The following CCDC17 variants were observed in gnomAD, a reference collection of about 807,000 sequenced individuals.
CCDC17 encodes the protein coiled-coil domain-containing protein 17.
In CCDC17, 79 loss-of-function variants were observed where a neutral mutation model predicts 68.0. That is an observed-to-expected ratio of 1.16 (90% CI 0.97 to 1.40). The LOEUF (loss-of-function observed/expected upper bound fraction) is 1.40. CCDC17 is among the 40% of genes most tolerant of loss of function. The probability of loss-of-function intolerance (pLI) is 0.00; values close to 1 mark genes in which losing one functional copy is unlikely to be tolerated. For synonymous variants in CCDC17, 376 were observed against 337.5 expected, an observed-to-expected ratio of 1.11 and a Z score of -1.25; for missense variants, 846 against 811.5, an observed-to-expected ratio of 1.04 and a Z score of -0.52.
intron 3 of CCDC17, 42 bp downstream of exon 3, chr1:45,623,175 G>A: frequency 6.5e-7 from 1 of 1,540,480 alleles, no homozygotes; most frequent in Non-Finnish European, 8.8e-7. Flanking sequence ...CAAACGGCGA[G>A]GGCAGAGGAG....
In CCDC17 at chr1:45,621,970, C is replaced by T; in HGVS notation, c.993G>A (p.Gly331=). 1.9e-6 allele frequency: 3 copies of T among 1,609,444 alleles called. No homozygotes were observed. Among genetic ancestry groups the T allele is most frequent in the Non-Finnish European group, 2.5e-6 (3 of 1,178,404 alleles). ...PLGPQDLRLL[G]DASLQPKGRR... is the part of the protein sequence containing the mutation. ...TCCCCTTCGGTTGTAGGCTGGCATC[C>T]CCCAGGAGTCGCAGATCCTGGGGCC... Residue 331 remains glycine, a synonymous_variant, in exon 8 of 13, where the codon GGG becomes GGA. Transcript: ENST00000528266.
rs1644349281 is a variant in CCDC17 at position 45,623,425 on chromosome 1, C to G, written c.285G>C (p.Arg95=). 6.4e-7 allele frequency: 1 copy of G among 1,550,548 alleles called. No individual in the cohort carries two copies. The highest frequency in any genetic ancestry group is 1.2e-5 in the South Asian group (1 of 84,066). ...KRLTEEVQWL[R]LSLQEMRPWI... ...AGGGCCGCATTTCCTGTAGGGATAGCCGCAGCCACTGCACCTGGAGGTAAC... is the reference window on the plus strand; with the variant it reads ...AGGGCCGCATTTCCTGTAGGGATAGGCGCAGCCACTGCACCTGGAGGTAAC... The change falls in exon 3 of 13, where the codon CGG becomes CGC. Residue 95 remains arginine, a synonymous_variant. Transcript: ENST00000528266.
intron 10 of CCDC17, 74 bp downstream of exon 10, chr1:45,621,207 G>A (rs1644242177): frequency 1.9e-6 from 3 of 1,546,794 alleles, no homozygotes; most frequent in Middle Eastern, 2.0e-4. Context: ...GTATACAGAT[G>A]AGAAAACTTA....
In CCDC17 at chr1:45,623,002, A is replaced by C; in HGVS notation, c.609T>G (p.Ala203=). 6.2e-7 allele frequency: 1 copy of C among 1,611,862 alleles called. No homozygotes were observed. The highest frequency in any genetic ancestry group is 1.7e-5 in the Admixed American group (1 of 59,814). The change falls in exon 4 of 13, where the codon GCT becomes GCG. Residue 203 remains alanine, a synonymous_variant. Transcript: ENST00000528266. ...GAATGCGGGCCCCCAACACCTCTAG[A>C]GCTCCCCGCGTCCTCCCGGCCTCAG... ...LQAEAGRTRG[A]LEVLGARIQE...
chr1:45,623,652 C>T lies in CCDC17; in HGVS notation c.175G>A (p.Val59Ile). ...SVATEPQRAA[V>I]VPQEHQGVPQ... The stretch of plus-strand genomic sequence containing the variant: ...ACGCCCTGGTGTTCTTGTGGCACAA[C>T]CTGGGGATAGGGTGTAGTAGGATGA... Residue 59 changes from valine (V) to isoleucine (I), a missense_variant and splice_region_variant, in exon 2 of 13, where the codon GTT (valine) becomes ATT (isoleucine). Coordinates refer to ENST00000528266, the MANE Select transcript of CCDC17 (RefSeq NM_001114938.3). The T allele has an allele frequency of 6.4e-7, 1 of 1,551,628 alleles. No individual in the cohort carries two copies. The highest frequency in any genetic ancestry group is 8.7e-7 in the Non-Finnish European group (1 of 1,146,988).
chr1:45,621,947 C>A lies in CCDC17; in HGVS notation c.1016G>T (p.Gly339Val), dbSNP rs775076309. 1.2e-5 allele frequency: 19 copies of A among 1,611,016 alleles called. No homozygotes were observed. The highest frequency in any genetic ancestry group is 1.6e-5 in the Non-Finnish European group (19 of 1,179,018). The change falls in exon 8 of 13, where the codon GGG (glycine) becomes GTG (valine). Residue 339 changes from glycine (G) to valine (V), a missense_variant. Physicochemically the swap from Gly to Val is moderately radical, Grantham distance 109. Coordinates refer to ENST00000528266, the MANE Select transcript of CCDC17 (RefSeq NM_001114938.3). ...LLGDASLQPKGRRDPPLLPPP... is the reference protein window; with the variant it reads ...LLGDASLQPKVRRDPPLLPPP... Reference sequence around the variant, plus strand: ...CGGGAGGAGTGGGGGATCTCTCCTCCCCTTCGGTTGTAGGCTGGCATCCCC... The same window carrying A: ...CGGGAGGAGTGGGGGATCTCTCCTCACCTTCGGTTGTAGGCTGGCATCCCC...
rs1399558607 is a variant in CCDC17 at position 45,622,296 on chromosome 1, C to A, written c.912G>T (p.Arg304=). The change falls in exon 7 of 13, where the codon CGG becomes CGT. Residue 304 remains arginine (R), a synonymous_variant. Transcript: ENST00000528266. ...AGGCCAAGATTTCTGCCTCCAAGCG[C>A]CGGTTTTCAGCCTCCACTACTGGAA... ...GELPVVEAEN[R]RLEAEILALQ... 1 of 1,612,420 alleles carries A rather than the reference C, an allele frequency of 6.2e-7. No individual in the cohort carries two copies. Among genetic ancestry groups the A allele is most frequent in the Non-Finnish European group, 8.5e-7 (1 of 1,179,372 alleles).
Position 45,620,199 on chromosome 1 carries a change from G to A in CCDC17, c.*76C>T. Reference sequence around the variant, plus strand: ...TCTAGACCCAATGTCAGAACATGGAGTAGTAAACCTGTAGGTCTGGAAATA... The same window carrying A: ...TCTAGACCCAATGTCAGAACATGGAATAGTAAACCTGTAGGTCTGGAAATA... On this transcript the variant is annotated 3_prime_UTR_variant, in exon 13 of 13. Transcript: ENST00000528266. 6.8e-7 allele frequency: 1 copy of A among 1,473,812 alleles called. No individual in the cohort carries two copies. The highest frequency in any genetic ancestry group is 9.1e-7 in the Non-Finnish European group (1 of 1,101,224). 91.3% of individuals were successfully genotyped at this position (1,473,812 alleles called of 1,614,324 possible). A position where few individuals can be genotyped will look rare whatever the true frequency, so the allele number is the denominator to read the frequency against.
rs1393778758 is a variant in CCDC17 at position 45,622,837 on chromosome 1, G to A, written c.657-3C>T. On this transcript the variant is annotated splice_region_variant and splice_polypyrimidine_tract_variant and intron_variant, in intron 4 of 12. Coordinates refer to ENST00000528266, the MANE Select transcript of CCDC17 (RefSeq NM_001114938.3). ...CTCGCCGGGAGCTCAGCGGGTTCCTGGGGTGGCAGGCGACGCGCAGGGAGA... is the reference window on the plus strand; with the variant it reads ...CTCGCCGGGAGCTCAGCGGGTTCCTAGGGTGGCAGGCGACGCGCAGGGAGA... 4 of 1,595,260 alleles carry A rather than the reference G, an allele frequency of 2.5e-6. No individual in the cohort carries two copies. The South Asian group carries it at 3.4e-5, about 14-fold the overall frequency.
In CCDC17 at chr1:45,621,104, G is replaced by A. The variant is rs772889129; in HGVS notation, c.1398C>T (p.Pro466=). The change falls in exon 11 of 13, where the codon CCC becomes CCT. Residue 466 remains proline, a synonymous_variant. Transcript: ENST00000528266. ...CACAGACCAAAGATACTGATGATGA[G>A]GGTGGTAGTCTGTAGAATAACCAAA... The part of the protein sequence containing the change: ...ASRQPVPRLP[P]SSSVSLVCEL... The A allele has an allele frequency of 1.4e-5, 22 of 1,613,662 alleles. No individual in the cohort carries two copies. The Admixed American group carries it at 3.3e-4, about 24-fold the overall frequency.
chr1:45,621,901 C>A lies in CCDC17; in HGVS notation c.1062G>T (p.Leu354=). Residue 354 remains leucine (L), a synonymous_variant, in exon 8 of 13, where the codon CTG becomes CTT. Coordinates refer to ENST00000528266, the MANE Select transcript of CCDC17 (RefSeq NM_001114938.3). The part of the protein sequence containing the change: ...PLLPPPVAPP[L]PPLPGFSEPQ... ...CCTCCGAGAAGCCTGGAAGTGGTGG[C>A]AGCGGTGGTGCCACCGGTGGCGGGA... 6.2e-7 allele frequency: 1 copy of A among 1,606,418 alleles called. No individual in the cohort carries two copies.
At chr1:45,621,560 T>TATC (rs1569663273) in intron 9 of CCDC17, 76 bp from the exon 10 acceptor site, 1 of 1,585,178 alleles carries the variant, frequency 6.3e-7, no homozygotes, top group South Asian at 1.1e-5. Context: ...TCCCTAACCC[T>TATC]ATCTGGTCCT....
At position 45,623,578 on chromosome 1, in the gene CCDC17, A is replaced by G. The variant is rs1644357752; in HGVS notation, c.249T>C (p.Ala83=). 1.9e-6 allele frequency: 3 copies of G among 1,550,188 alleles called. No individual in the cohort carries two copies. The highest frequency in any genetic ancestry group is 2.6e-6 in the Non-Finnish European group (3 of 1,146,852). The part of the protein sequence containing the change: ...GLPDQQASRS[A]LKRLTEEVQW... ...CTACCTCCTCTGTTAACCTCTTTAG[A>G]GCAGATCTACTGGCCTGCTGGTCTG... The change falls in exon 2 of 13, where the codon GCT becomes GCC. Residue 83 remains alanine (A), a synonymous_variant. Coordinates refer to ENST00000528266, the MANE Select transcript of CCDC17 (RefSeq NM_001114938.3).
chr1:45,621,647 T>C lies in CCDC17; in HGVS notation c.1175A>G (p.Tyr392Cys), dbSNP rs750238354. The change falls in exon 9 of 13, where the codon TAT becomes TGT. Residue 392 changes from tyrosine to cysteine, a missense_variant. Tyr to Cys is a radical substitution (Grantham distance 194). Coordinates refer to ENST00000528266, the MANE Select transcript of CCDC17 (RefSeq NM_001114938.3). ...PTSDMLGPAPYDPGAGLVIFY... is the reference protein window; with the variant it reads ...PTSDMLGPAPCDPGAGLVIFY... ...GTGGCACGGGCCTCACCCAGGATCA[T>C]AGGGTGCAGGGCCCAGCATGTCCGA... 3 of 1,613,684 alleles carry C rather than the reference T, an allele frequency of 1.9e-6. No individual in the cohort carries two copies. Among genetic ancestry groups the C allele is most frequent in the Non-Finnish European group, 1.7e-6 (2 of 1,179,770 alleles).
intron 12 of CCDC17, 48 bp from the exon 13 acceptor site, chr1:45,620,481 G>A: frequency 6.7e-7 from 1 of 1,493,688 alleles, no homozygotes; most frequent in African/African-American, 1.4e-5. Context: ...TAAAGGTTAA[G>A]CACACAGGTT....
Position 45,620,059 on chromosome 1 carries a change from TTTAATCC to T in CCDC17, c.*209_*215del. On this transcript the variant is annotated 3_prime_UTR_variant, in exon 13 of 13. Transcript: ENST00000528266. ...ATATCACAAATACCTGACAAACTCATTTAATCCTTAATCTGTTTTACAAAAACAGAAG... is the reference window on the plus strand; with the variant it reads ...ATATCACAAATACCTGACAAACTCATTTAATCTGTTTTACAAAAACAGAAG... The T allele has an allele frequency of 2.0e-6, 1 of 495,120 alleles. No homozygotes were observed. Among genetic ancestry groups the T allele is most frequent in the Non-Finnish European group, 3.5e-6 (1 of 286,910 alleles). 30.7% of individuals were successfully genotyped at this position (495,120 alleles called of 1,614,324 possible).
At position 45,623,877 on chromosome 1, in the gene CCDC17, C is replaced by A; in HGVS notation, c.33G>T (p.Leu11=). 1 of 1,540,390 alleles carries A rather than the reference C, an allele frequency of 6.5e-7. No homozygotes were observed. The highest frequency in any genetic ancestry group is 1.4e-5 in the African/African-American group (1 of 72,770). ...AAACCATGTCACAGGTCCCACAGGG[C>A]AGGAGCGCAGGCTCCCCAGAGTGGG... is the stretch of plus-strand genomic sequence containing the variant. The part of the protein sequence containing the change: MDSHSGEPAL[L]PCGTCDMVFR... The change falls in exon 1 of 13, where the codon CTG becomes CTT. Residue 11 remains leucine (L), a synonymous_variant. Transcript: ENST00000528266.
In CCDC17 at chr1:45,623,099, TGGA is replaced by T. The variant is rs1644333291; in HGVS notation, c.509_511del (p.Leu170del). ...CCCGCCCCGCGTACAGGCCACAACTTGGAGGCGTCGGCTCAGTTCTGAGGGAAT... is the reference window on the plus strand; with the variant it reads ...CCCGCCCCGCGTACAGGCCACAACTTGGCGTCGGCTCAGTTCTGAGGGAAT... On this transcript the variant is annotated inframe_deletion, in exon 4 of 13. Transcript: ENST00000528266. 1 of 1,578,140 alleles carries T rather than the reference TGGA, an allele frequency of 6.3e-7. No homozygotes were observed. The highest frequency in any genetic ancestry group is 1.2e-5 in the South Asian group (1 of 86,170).
chr1:45,620,089 A>G lies in CCDC17; in HGVS notation c.*186T>C. 1.8e-6 allele frequency: 1 copy of G among 551,356 alleles called. No individual in the cohort carries two copies. Among genetic ancestry groups the G allele is most frequent in the Non-Finnish European group, 3.1e-6 (1 of 324,208 alleles). 34.2% of individuals were successfully genotyped at this position (551,356 alleles called of 1,614,324 possible). On this transcript the variant is annotated 3_prime_UTR_variant, in exon 13 of 13. Coordinates refer to ENST00000528266, the MANE Select transcript of CCDC17 (RefSeq NM_001114938.3). ...TCCTTAATCTGTTTTACAAAAACAG[A>G]AGAGGTACAGAAAAGTTAAGGACTT... is the stretch of plus-strand genomic sequence containing the variant.
Sources: allele counts gnomAD v4.1 joint callset, GRCh38; gene constraint gnomAD v4.1.1; transcripts MANE v1.5; gene names NCBI Gene and HGNC (gene_info 2026-07-23, HGNC 2026-07-21).